Variants in ARL4D observed in about 807,000 individuals in gnomAD.
ARL4D encodes ARF like GTPase 4D, also known as ADP-ribosylation factor-like protein 4D.
A neutral mutation model predicts 0.6 loss-of-function variants in ARL4D; 1 was observed. The observed-to-expected ratio is 1.64, with a 90% CI of 0.58 to 7.76. The LOEUF (loss-of-function observed/expected upper bound fraction) is 7.76. Ranked by LOEUF, ARL4D falls within the 30% of genes most tolerant of loss-of-function variation. The pLI is 0.14. For missense variants in ARL4D, 230 were observed against 264.5 expected (o/e 0.87, Z 0.90); for synonymous variants, 102 against 115.2 (o/e 0.89, Z 0.73).
Position 43,399,751 on chromosome 17 carries a change from G to C in ARL4D, c.19G>C (p.Glu7Gln). Residue 7 changes from glutamate (E) to glutamine (Q), a missense_variant, in exon 2 of 2, where the codon GAG becomes CAG. By Grantham distance (29) the Glu-to-Gln change is conservative. Transcript: ENST00000320033. Reference protein sequence around the residue: MGNHLTEMAPTASSFLP... With the variant: MGNHLTQMAPTASSFLP... Reference sequence around the variant, plus strand: ...GCTCACTATGGGGAACCACTTGACTGAGATGGCGCCCACTGCCTCCTCCTT... The same window carrying C: ...GCTCACTATGGGGAACCACTTGACTCAGATGGCGCCCACTGCCTCCTCCTT... 1 of 1,613,214 alleles carries C rather than the reference G, an allele frequency of 6.2e-7. No individual in the cohort carries two copies. The highest frequency in any genetic ancestry group is 8.5e-7 in the Non-Finnish European group (1 of 1,179,350).
Position 43,400,058 on chromosome 17 carries a change from T to A in ARL4D, c.326T>A (p.Leu109Gln). The A allele has an allele frequency of 6.2e-7, 1 of 1,613,482 alleles. No individual in the cohort carries two copies. Among genetic ancestry groups the A allele is most frequent in the Non-Finnish European group, 8.5e-7 (1 of 1,180,006 alleles). Residue 109 changes from leucine (L) to glutamine (Q), a missense_variant, in exon 2 of 2, where the codon CTG becomes CAG. Physicochemically the swap from Leu to Gln is moderately radical, Grantham distance 113. Transcript: ENST00000320033. Reference sequence around the variant, plus strand: ...GTGGACGCTGCGGAGGCTGAGCGGCTGGAGGAAGCCAAGGTGGAGTTGCAC... The same window carrying A: ...GTGGACGCTGCGGAGGCTGAGCGGCAGGAGGAAGCCAAGGTGGAGTTGCAC... ...FVVDAAEAERLEEAKVELHRI... is the reference protein window; with the variant it reads ...FVVDAAEAERQEEAKVELHRI...
At position 43,399,726 on chromosome 17, in the gene ARL4D, G is replaced by C. The variant is rs2058079792; in HGVS notation, c.-7G>C. The C allele has an allele frequency of 6.2e-7, 1 of 1,608,282 alleles. No individual in the cohort carries two copies. The highest frequency in any genetic ancestry group is 1.1e-5 in the South Asian group (1 of 90,790). On this transcript the variant is annotated 5_prime_UTR_variant, in exon 2 of 2. Transcript: ENST00000320033. ...CTCCCTGCCTCTACTAGGCGCCTTA[G>C]CTCACTATGGGGAACCACTTGACTG...
rs2058085854 is a variant in ARL4D, at chr17:43,400,867, C to G, written c.*529C>G. The G allele has an allele frequency of 5.8e-6, 1 of 171,090 alleles. No homozygotes were observed. Among genetic ancestry groups the G allele is most frequent in the African/African-American group, 2.4e-5 (1 of 41,348 alleles). 10.6% of individuals were successfully genotyped at this position (171,090 alleles called of 1,614,324 possible). Reference sequence around the variant, plus strand: ...GACCCTTTTTATAAGCTGTGTGTGTCCTCTGTATTATTGTTATTAACTATT... The same window carrying G: ...GACCCTTTTTATAAGCTGTGTGTGTGCTCTGTATTATTGTTATTAACTATT... On this transcript the variant is annotated 3_prime_UTR_variant, in exon 2 of 2. Coordinates refer to ENST00000320033, the MANE Select transcript of ARL4D (RefSeq NM_001661.4).
Position 43,400,356 on chromosome 17 carries a change from T to C in ARL4D, c.*18T>C. ...GACGGTGACCCAAGCCCCCCCTCCC[T>C]TTCCTCCCACCTAGTAGGGGTCTGC... On this transcript the variant is annotated 3_prime_UTR_variant, in exon 2 of 2. Transcript: ENST00000320033. 1 of 1,556,910 alleles carries C rather than the reference T, an allele frequency of 6.4e-7. No homozygotes were observed. Among genetic ancestry groups the C allele is most frequent in the South Asian group, 1.2e-5 (1 of 81,454 alleles).
Position 43,399,703 on chromosome 17 carries a change from C to T in ARL4D, c.-30C>T, listed in dbSNP as rs776309450. 1.3e-6 allele frequency: 2 copies of T among 1,587,970 alleles called. No homozygotes were observed. Among genetic ancestry groups the T allele is most frequent in the Non-Finnish European group, 1.7e-6 (2 of 1,164,342 alleles). On this transcript the variant is annotated 5_prime_UTR_variant, in exon 2 of 2. Coordinates refer to ENST00000320033, the MANE Select transcript of ARL4D (RefSeq NM_001661.4). The stretch of plus-strand genomic sequence containing the variant: ...CCTGGAACCTTCAATTTCAAGGCCT[C>T]CCTGCCTCTACTAGGCGCCTTAGCT...
Position 43,400,626 on chromosome 17 carries a change from C to A in ARL4D, c.*288C>A, listed in dbSNP as rs2058084801. 6.5e-6 allele frequency: 2 copies of A among 309,506 alleles called. No individual in the cohort carries two copies. Among genetic ancestry groups the A allele is most frequent in the South Asian group, 1.7e-4 (2 of 11,730 alleles). 19.2% of individuals were successfully genotyped at this position (309,506 alleles called of 1,614,324 possible). ...TACCTCGACCCTGTTTCTTATTTTT[C>A]TTCTCTGGCTAAAAATTTTTAATTG... is the stretch of plus-strand genomic sequence containing the variant. On this transcript the variant is annotated 3_prime_UTR_variant, in exon 2 of 2. Transcript: ENST00000320033.
chr17:43,399,591 C>A, intron 1 of ARL4D, 70 bp from the exon 2 acceptor site: 1 of 1,038,258 alleles, frequency 9.6e-7, no homozygotes, highest in Non-Finnish European at 1.4e-6. Flanking sequence ...AGGAAGGGAT[C>A]AAGAAGTTGC....
At chr17:43,399,267 G>A (rs1005739484) in intron 1 of ARL4D, among the ~76,000 whole-genome samples, 174 bp downstream of exon 1, 4 of 152,036 alleles carry the variant, frequency 2.6e-5, no homozygotes, top group Admixed American at 2.0e-4. Context: ...AGGGCGGGTG[G>A]GAGCCGGACT....
chr17:43,399,253 G>T (rs12451473), intron 1 of ARL4D, among the ~76,000 whole-genome samples, 160 bp downstream of exon 1: 28,396 of 151,788 alleles, frequency 0.19, 2,982 homozygotes, highest in South Asian at 0.26. Context: ...GCTTGGGGCT[G>T]CGGAGGGCGG....
Position 43,400,423 on chromosome 17 carries a change from T to C in ARL4D, c.*85T>C. The C allele has an allele frequency of 6.7e-7, 1 of 1,490,430 alleles. No homozygotes were observed. The highest frequency in any genetic ancestry group is 9.0e-7 in the Non-Finnish European group (1 of 1,115,188). The allele number at this position is 1,490,430 out of a possible 1,614,324, so 92.3% of individuals were successfully genotyped here. A position where few individuals can be genotyped will look rare whatever the true frequency, so the allele number is the denominator to read the frequency against. ...GTGGGACCAGCCTGTGACCTCTCAG[T>C]CAGACTGGGGTGCAGGACCTGTCCA... On this transcript the variant is annotated 3_prime_UTR_variant, in exon 2 of 2. Transcript: ENST00000320033.
In ARL4D at chr17:43,399,893, G is replaced by A. The variant is rs2058080738; in HGVS notation, c.161G>A (p.Gly54Asp). Residue 54 changes from glycine to aspartate, a missense_variant, in exon 2 of 2, where the codon GGC (glycine) becomes GAC (aspartate). Around this residue, in one of 3 missense-constraint regions of ARL4D, gnomAD observed 91 missense variants for 100.4 expected, o/e 0.91. Transcript: ENST00000320033. ...KEFVQSVPTK[G>D]FNTEKIRVPL... ...TTTGTCCAGAGTGTCCCCACCAAAG[G>A]CTTCAACACCGAGAAGATCCGGGTG... is the stretch of plus-strand genomic sequence containing the variant. 2 of 1,614,040 alleles carry A rather than the reference G, an allele frequency of 1.2e-6. No homozygotes were observed. Among genetic ancestry groups the A allele is most frequent in the Non-Finnish European group, 1.7e-6 (2 of 1,179,986 alleles).
chr17:43,399,524 TA>T (rs3071190), intron 1 of ARL4D, 136 bp from the exon 2 acceptor site: 110,149 of 529,930 alleles, frequency 0.21, 2,089 homozygotes, highest in African/African-American at 0.27. Context: ...TGTTATGCCT[TA>T]AAAAAAAAAA....
At position 43,400,353 on chromosome 17, in the gene ARL4D, C is replaced by T; in HGVS notation, c.*15C>T. The stretch of plus-strand genomic sequence containing the variant: ...AGAGACGGTGACCCAAGCCCCCCCT[C>T]CCTTTCCTCCCACCTAGTAGGGGTC... On this transcript the variant is annotated 3_prime_UTR_variant, in exon 2 of 2. Coordinates refer to ENST00000320033, the MANE Select transcript of ARL4D (RefSeq NM_001661.4). 2 of 1,558,474 alleles carry T rather than the reference C, an allele frequency of 1.3e-6. No individual in the cohort carries two copies. The highest frequency in any genetic ancestry group is 1.7e-6 in the Non-Finnish European group (2 of 1,152,510).
Position 43,399,861 on chromosome 17 carries a change from C to A in ARL4D, c.129C>A (p.Phe43Leu). Residue 43 changes from phenylalanine (F) to leucine (L), a missense_variant, in exon 2 of 2, where the codon TTC (phenylalanine) becomes TTA (leucine). Transcript: ENST00000320033. ...GKTSLLYRLK[F>L]KEFVQSVPTK... is the part of the protein sequence containing the mutation. ...CCTCCCTCCTTTACCGCCTCAAGTTCAAGGAGTTTGTCCAGAGTGTCCCCA... is the reference window on the plus strand; with the variant it reads ...CCTCCCTCCTTTACCGCCTCAAGTTAAAGGAGTTTGTCCAGAGTGTCCCCA... 6.2e-7 allele frequency: 1 copy of A among 1,614,106 alleles called. No homozygotes were observed. The highest frequency in any genetic ancestry group is 8.5e-7 in the Non-Finnish European group (1 of 1,180,000).
At position 43,400,617 on chromosome 17, in the gene ARL4D, CTTA is replaced by C. The variant is rs986092684; in HGVS notation, c.*282_*284del. On this transcript the variant is annotated 3_prime_UTR_variant, in exon 2 of 2. Coordinates refer to ENST00000320033, the MANE Select transcript of ARL4D (RefSeq NM_001661.4). ...CTGTGACTCTACCTCGACCCTGTTT[CTTA>C]TTTTTCTTCTCTGGCTAAAAATTTT... 6.1e-6 allele frequency: 2 copies of C among 325,422 alleles called. No homozygotes were observed. Among genetic ancestry groups the C allele is most frequent in the African/African-American group, 4.3e-5 (2 of 46,740 alleles). 20.2% of individuals were successfully genotyped at this position (325,422 alleles called of 1,614,324 possible).
chr17:43,399,659 A>G lies in ARL4D; in HGVS notation c.-72-2A>G. The G allele has an allele frequency of 2.6e-6, 4 of 1,514,318 alleles. No homozygotes were observed. The highest frequency in any genetic ancestry group is 3.5e-6 in the Non-Finnish European group (4 of 1,130,686). 93.8% of individuals were successfully genotyped at this position (1,514,318 alleles called of 1,614,324 possible). On this transcript the variant is annotated splice_acceptor_variant, in intron 1 of 1. Transcript: ENST00000320033. LOFTEE classifies it low-confidence loss of function (5UTR_SPLICE). Reference sequence around the variant, plus strand: ...TTCTCCCATGACCTTTTCTTGGTTCAGATAACCCAGCTGTGCTCCCTGGAA... The same window carrying G: ...TTCTCCCATGACCTTTTCTTGGTTCGGATAACCCAGCTGTGCTCCCTGGAA...
In ARL4D at chr17:43,400,548, C is replaced by G; in HGVS notation, c.*210C>G. Reference sequence around the variant, plus strand: ...TCTTTGCATATCTCTCTCATCCTCTCTGGAGAAGTGGGCGCTGCAGGACTG... The same window carrying G: ...TCTTTGCATATCTCTCTCATCCTCTGTGGAGAAGTGGGCGCTGCAGGACTG... On this transcript the variant is annotated 3_prime_UTR_variant, in exon 2 of 2. Coordinates refer to ENST00000320033, the MANE Select transcript of ARL4D (RefSeq NM_001661.4). The G allele has an allele frequency of 1.6e-6, 1 of 618,722 alleles. No homozygotes were observed. Among genetic ancestry groups the G allele is most frequent in the Middle Eastern group, 4.5e-4 (1 of 2,226 alleles). 38.3% of individuals were successfully genotyped at this position (618,722 alleles called of 1,614,324 possible). A position where few individuals can be genotyped will look rare whatever the true frequency, so the allele number is the denominator to read the frequency against.
Position 43,399,793 on chromosome 17 carries a change from G to T in ARL4D, c.61G>T (p.Ala21Ser). The T allele has an allele frequency of 1.2e-6, 2 of 1,613,972 alleles. No individual in the cohort carries two copies. Among genetic ancestry groups the T allele is most frequent in the Non-Finnish European group, 1.7e-6 (2 of 1,179,988 alleles). The change falls in exon 2 of 2, where the codon GCC (alanine) becomes TCC (serine). Residue 21 changes from alanine to serine, a missense_variant. By Grantham distance (99) the Ala-to-Ser change is moderately conservative. This residue lies in a region of ARL4D where 91 missense variants were observed against 100.4 expected (regional missense o/e 0.91). Coordinates refer to ENST00000320033, the MANE Select transcript of ARL4D (RefSeq NM_001661.4). ...CTCCTCCTTCTTGCCCCACTTCCAA[G>T]CCCTGCATGTCGTGGTCATTGGGCT... ...TASSFLPHFQ[A>S]LHVVVIGLDS...
In ARL4D at chr17:43,400,740, G is replaced by C. The variant is rs2154584971; in HGVS notation, c.*402G>C. 1 of 183,800 alleles carries C rather than the reference G, an allele frequency of 5.4e-6. No individual in the cohort carries two copies. Among genetic ancestry groups the C allele is most frequent in the Admixed American group, 5.6e-5 (1 of 18,014 alleles). 11.4% of individuals were successfully genotyped at this position (183,800 alleles called of 1,614,324 possible). A position where few individuals can be genotyped will look rare whatever the true frequency, so the allele number is the denominator to read the frequency against. On this transcript the variant is annotated 3_prime_UTR_variant, in exon 2 of 2. Transcript: ENST00000320033. ...CTCCCCTTCCTCTGTCCCCCAACTG[G>C]GGAGTCTCCCCAGGCTGCTTTTCTA...
Sources: allele counts gnomAD v4.1 joint callset (sites outside exome capture counted in the v4.1 genomes callset), GRCh38; gene constraint gnomAD v4.1.1; regional missense constraint gnomAD v4.1.1; transcripts MANE v1.5; gene names NCBI Gene and HGNC (gene_info 2026-07-23, HGNC 2026-07-21).